TENM4: variants seen among roughly 807,000 people sequenced by gnomAD.
The protein encoded by TENM4 is teneurin-4.
In TENM4, 82 loss-of-function variants were observed where a neutral mutation model predicts 243.3. The ratio of observed to expected loss-of-function variants is 0.34; its 90% confidence interval spans 0.28 to 0.40. The LOEUF (loss-of-function observed/expected upper bound fraction) is 0.40. Among genes scored for constraint, TENM4 ranks in the 10% least tolerant of loss-of-function variants. TENM4 has a pLI of 1.00. For missense variants in TENM4, 3,138 were observed against 3,673.3 expected, an observed-to-expected ratio of 0.85 and a Z score of 3.77; for synonymous variants, 1,412 against 1,456.3, an observed-to-expected ratio of 0.97 and a Z score of 0.69.
intron 6 of TENM4, among the ~76,000 whole-genome samples, chr11:79,049,841 G>C (rs989963917): frequency 3.9e-5 from 6 of 152,204 alleles, no homozygotes; most frequent in Non-Finnish European, 1.5e-5. Flanking sequence ...CTGGCTGTAG[G>C]AACAGAGCAC....
At chr11:78,829,206 T>G (rs1370316563) in intron 12 of TENM4, among the ~76,000 whole-genome samples, 1 of 152,198 alleles carries the variant, frequency 6.6e-6, no homozygotes, top group Non-Finnish European at 1.5e-5. Flanking sequence ...TATCTCCCCA[T>G]GTGAAGTCTC....
At chr11:79,372,520 T>G (rs886373628) in intron 1 of TENM4, among the ~76,000 whole-genome samples, 1 of 152,162 alleles carries the variant, frequency 6.6e-6, no homozygotes, top group African/African-American at 2.4e-5. Flanking sequence ...CTTACTAATG[T>G]GTGAAACCAG....
chr11:79,126,561 A>G (rs1861880977), intron 4 of TENM4, among the ~76,000 whole-genome samples: 1 of 143,364 alleles, frequency 7.0e-6, no homozygotes, highest in African/African-American at 2.6e-5. Flanking sequence ...GAGCTCTGGC[A>G]TTGGCTAATT....
At chr11:79,163,984 ATAG>A (rs1449571289) in intron 3 of TENM4, among the ~76,000 whole-genome samples, 46 of 126,382 alleles carry the variant, frequency 3.6e-4, no homozygotes, top group African/African-American at 1.3e-3. Flanking sequence ...TAGTGTATAT[ATAG>A]TGTATATATA....
intron 2 of TENM4, among the ~76,000 whole-genome samples, chr11:79,268,612 T>C (rs368404797): frequency 6.4e-4 from 98 of 152,338 alleles, no homozygotes; most frequent in African/African-American, 2.1e-3. Flanking sequence ...AACACTATCA[T>C]GGTCATTTGT....
intron 6 of TENM4, among the ~76,000 whole-genome samples, chr11:79,032,626 C>T (rs1859276317): frequency 6.6e-6 from 1 of 152,024 alleles, no homozygotes; most frequent in African/African-American, 2.4e-5. Context: ...GCTTAGGGAG[C>T]CAGAGCCTAC....
chr11:79,376,553 T>C (rs1857894741), intron 1 of TENM4, among the ~76,000 whole-genome samples: 1 of 152,238 alleles, frequency 6.6e-6, no homozygotes, highest in Non-Finnish European at 1.5e-5. Context: ...CTATAGTCTA[T>C]ATAATAGTCC....
At chr11:79,322,706 T>C (rs1022536423) in intron 1 of TENM4, among the ~76,000 whole-genome samples, 2 of 152,228 alleles carry the variant, frequency 1.3e-5, no homozygotes, top group Non-Finnish European at 2.9e-5. Flanking sequence ...TTAATTCTCT[T>C]AACATGTAGA....
At position 78,696,987 on chromosome 11, in the gene TENM4, G is replaced by C. The variant is rs374303983; in HGVS notation, c.5087+4539C>G. Among the ~76,000 whole-genome samples, 6 of 152,160 alleles carry C rather than the reference G, an allele frequency of 3.9e-5. No homozygotes were observed. In the South Asian group the frequency reaches 1.2e-3, roughly 32 times the overall value. ...GGGTGTTGTTCCTGATGGAAGATGA[G>C]GTGAGCAGGGTCTGGGTAGAGTGGT... On this transcript the variant is annotated intron_variant, in intron 28 of 33. Coordinates refer to ENST00000278550, the MANE Select transcript of TENM4 (RefSeq NM_001098816.3).
rs371563271 is a variant in TENM4, at chr11:79,098,225, C to A, written c.-65-28216G>T. ...CGGGTCTCTTGTGTCTCCCCCACCC[C>A]CCCCCATCTCCCAGCTCAGTGAGAA... On this transcript the variant is annotated intron_variant, in intron 4 of 33. Coordinates refer to ENST00000278550, the MANE Select transcript of TENM4 (RefSeq NM_001098816.3). Among the ~76,000 whole-genome samples the A allele has an allele frequency of 1.1e-3, 163 of 151,624 alleles. 1 individual carries two copies. The highest frequency in any genetic ancestry group is 3.0e-3 in the African/African-American group (125 of 41,298).
chr11:79,162,921 A>G (rs1052279021), intron 3 of TENM4, among the ~76,000 whole-genome samples: 5 of 152,206 alleles, frequency 3.3e-5, no homozygotes, highest in African/African-American at 1.2e-4. Context: ...CTGTTCATAC[A>G]AGGCTGGCTG....
At chr11:78,781,243 AGCTTTGCATTATGAAAGG>A (rs1856832454) in intron 16 of TENM4, among the ~76,000 whole-genome samples, 1 of 152,238 alleles carries the variant, frequency 6.6e-6, no homozygotes, top group East Asian at 1.9e-4. Flanking sequence ...AGATGATGCA[AGCTTTGCATTATGAAAGG>A]TGGATTCAGG....
chr11:79,266,076 G>A (rs995237719), intron 2 of TENM4, among the ~76,000 whole-genome samples: 1 of 152,186 alleles, frequency 6.6e-6, no homozygotes, highest in South Asian at 2.1e-4. Context: ...TCTTACTGCT[G>A]TTGTAACACT....
At chr11:78,659,975 C>G (rs897131269) in intron 33 of TENM4, among the ~76,000 whole-genome samples, 7 of 152,236 alleles carry the variant, frequency 4.6e-5, no homozygotes, top group Non-Finnish European at 8.8e-5. Context: ...TTCACGAAAG[C>G]TGGAGTGCTC....
At chr11:79,001,102 A>G (rs1565161744) in intron 6 of TENM4, among the ~76,000 whole-genome samples, 1 of 152,238 alleles carries the variant, frequency 6.6e-6, no homozygotes, top group South Asian at 2.1e-4. Context: ...AAATGACCCA[A>G]TCAAAAGGCT....
At chr11:79,391,401 A>G (rs1481278932) in intron 1 of TENM4, among the ~76,000 whole-genome samples, 5 of 129,754 alleles carry the variant, frequency 3.9e-5, no homozygotes, top group Admixed American at 1.5e-4. Context: ...TGGGATGCCA[A>G]GTGGAACCAG....
chr11:79,311,757 C>T (rs993769892), intron 1 of TENM4, among the ~76,000 whole-genome samples: 1 of 152,098 alleles, frequency 6.6e-6, no homozygotes, highest in African/African-American at 2.4e-5. Context: ...CCCATCCCTG[C>T]CTCTACACCT....
At chr11:79,168,413 A>G (rs1862965093) in intron 3 of TENM4, among the ~76,000 whole-genome samples, 2 of 152,174 alleles carry the variant, frequency 1.3e-5, no homozygotes, top group South Asian at 4.1e-4. Flanking sequence ...TCTGGAGGTC[A>G]GGGTGGGCTT....
intron 17 of TENM4, among the ~76,000 whole-genome samples, chr11:78,774,565 C>T (rs574689162): frequency 2.0e-5 from 3 of 152,224 alleles, no homozygotes; most frequent in East Asian, 3.9e-4. Flanking sequence ...TTACTTCTTC[C>T]GTTAGAATGT....
Sources: gnomAD v4.1 joint callset for allele counts (sites outside exome capture counted in the v4.1 genomes callset) on GRCh38, gnomAD v4.1.1 for gene constraint, MANE v1.5 for transcripts, NCBI Gene and HGNC (gene_info 2026-07-23, HGNC 2026-07-21) for gene names.